The following FAM107B variants were observed in gnomAD, a reference collection of about 807,000 sequenced individuals.
The protein encoded by FAM107B is protein FAM107B.
Under a neutral mutation model 31.5 loss-of-function variants are expected in FAM107B, and 21 were observed. The ratio of observed to expected loss-of-function variants is 0.67; its 90% CI spans 0.47 to 0.96. The LOEUF (loss-of-function observed/expected upper bound fraction) is 0.96. Among genes scored for constraint, FAM107B ranks in the 40% least tolerant of loss-of-function variants. The probability of loss-of-function intolerance (pLI) is 0.00; values close to 1 mark genes in which losing one functional copy is unlikely to be tolerated. For synonymous variants in FAM107B, 157 were observed against 141.5 expected, an observed-to-expected ratio of 1.11 and a Z score of -0.78; for missense variants, 452 against 377.1, an observed-to-expected ratio of 1.20 and a Z score of -1.64.
chr10:14,753,186 C>T (rs1214676866), intron 1 of FAM107B, among the ~76,000 whole-genome samples: 1 of 152,332 alleles, frequency 6.6e-6, no homozygotes, highest in East Asian at 1.9e-4. Flanking sequence ...CACAGAAACA[C>T]AGGCAGAGCA....
At chr10:14,522,168 T>C (rs1845720425) in intron 3 of FAM107B, 149 bp from the exon 4 acceptor site, 3 of 967,110 alleles carry the variant, frequency 3.1e-6, no homozygotes, top group African/African-American at 3.3e-5. Flanking sequence ...AACATGGTGA[T>C]CTAAGAAATT....
chr10:14,607,128 C>T (rs1227762400), intron 2 of FAM107B, among the ~76,000 whole-genome samples: 4 of 152,100 alleles, frequency 2.6e-5, no homozygotes, highest in Non-Finnish European at 5.9e-5. Context: ...TTCCCTGCCC[C>T]GTGAGAGAAA....
At chr10:14,526,210 A>G (rs1434107084) in intron 3 of FAM107B, among the ~76,000 whole-genome samples, 1 of 152,066 alleles carries the variant, frequency 6.6e-6, no homozygotes, top group Non-Finnish European at 1.5e-5. Flanking sequence ...GTCTCGCTCT[A>G]TTGCCCATGC....
intron 1 of FAM107B, among the ~76,000 whole-genome samples, chr10:14,725,504 A>C (rs1262609189): frequency 6.6e-6 from 1 of 152,180 alleles, no homozygotes; most frequent in African/African-American, 2.4e-5. Flanking sequence ...GGGAAGTCCA[A>C]GATTAAGGCT....
At chr10:14,610,071 C>T (rs191244735) in intron 2 of FAM107B, among the ~76,000 whole-genome samples, 14 of 152,302 alleles carry the variant, frequency 9.2e-5, no homozygotes, top group East Asian at 7.7e-4. Context: ...AGGCCGGGCA[C>T]GGTGGCTCAC....
At chr10:14,531,883 G>A (rs1371170915) in intron 2 of FAM107B, among the ~76,000 whole-genome samples, 1 of 152,166 alleles carries the variant, frequency 6.6e-6, no homozygotes, top group South Asian at 2.1e-4. Context: ...TATATATTGC[G>A]CCTCACATAA....
intron 1 of FAM107B, among the ~76,000 whole-genome samples, chr10:14,697,443 G>A (rs539745065): frequency 5.8e-4 from 88 of 152,322 alleles, no homozygotes; most frequent in South Asian, 5.4e-3. Context: ...AAAGTTTGCC[G>A]TGCTAGCCCA....
intron 2 of FAM107B, among the ~76,000 whole-genome samples, chr10:14,659,720 G>T (rs1353613842): frequency 6.6e-6 from 1 of 152,154 alleles, no homozygotes; most frequent in East Asian, 1.9e-4. Context: ...AGTAAAAGCA[G>T]ACACTTTGTC....
At chr10:14,678,324 G>A (rs976907053) in intron 1 of FAM107B, among the ~76,000 whole-genome samples, 1 of 152,122 alleles carries the variant, frequency 6.6e-6, no homozygotes, top group Non-Finnish European at 1.5e-5. Context: ...GGGATGGTGG[G>A]TATGTGTTTT....
intron 2 of FAM107B, among the ~76,000 whole-genome samples, chr10:14,572,956 A>G (rs375867139): frequency 6.6e-6 from 1 of 151,792 alleles, no homozygotes; most frequent in African/African-American, 2.4e-5. Flanking sequence ...TGTTATTACT[A>G]TATTATTAGG....
intron 2 of FAM107B, among the ~76,000 whole-genome samples, chr10:14,547,997 T>C (rs542182312): frequency 1.3e-5 from 2 of 152,320 alleles, no homozygotes; most frequent in East Asian, 3.9e-4. Context: ...GTTTTCCCAC[T>C]TCCCTCTCTT....
intron 1 of FAM107B, among the ~76,000 whole-genome samples, chr10:14,739,207 G>C (rs1271503057): frequency 6.6e-6 from 1 of 152,224 alleles, no homozygotes; most frequent in Non-Finnish European, 1.5e-5. Context: ...GGGTGGCCCA[G>C]ATTCAAAAGG....
At chr10:14,683,608 T>G (rs980769453) in intron 1 of FAM107B, among the ~76,000 whole-genome samples, 2 of 152,076 alleles carry the variant, frequency 1.3e-5, no homozygotes, top group African/African-American at 2.4e-5. Context: ...GATAGAGGGG[T>G]AAGCCTGGTT....
chr10:14,620,872 G>A (rs1337597531), intron 2 of FAM107B, among the ~76,000 whole-genome samples: 1 of 152,134 alleles, frequency 6.6e-6, no homozygotes, highest in South Asian at 2.1e-4. Context: ...CCTTATCAAT[G>A]TTTTGTACTT....
At chr10:14,657,594 A>C (rs1487917818) in intron 2 of FAM107B, among the ~76,000 whole-genome samples, 1 of 152,148 alleles carries the variant, frequency 6.6e-6, no homozygotes, top group Non-Finnish European at 1.5e-5. Context: ...ATAAATCTAG[A>C]ACCTAGATGG....
chr10:14,724,642 G>C (rs1375015387), intron 1 of FAM107B, among the ~76,000 whole-genome samples: 1 of 151,882 alleles, frequency 6.6e-6, no homozygotes, highest in Admixed American at 6.6e-5. Flanking sequence ...TTCAGGAGGA[G>C]AGCGTTCCCT....
At chr10:14,666,581 AT>A in intron 2 of FAM107B, among the ~76,000 whole-genome samples, 1 of 152,302 alleles carries the variant, frequency 6.6e-6, no homozygotes, top group Non-Finnish European at 1.5e-5. Context: ...TGAAAAAAAA[AT>A]GTGTAATGGG....
chr10:14,742,350 T>C lies in FAM107B; in HGVS notation c.411+31903A>G, dbSNP rs548109539. ...CCAGGCTGGTGTCGAACTTCTGGTC[T>C]CAATCAGTCCTCCCACCTCTGCCTC... On this transcript the variant is annotated intron_variant, in intron 1 of 4. Coordinates refer to ENST00000181796, the MANE Select transcript of FAM107B (RefSeq NM_031453.4). Among the ~76,000 whole-genome samples, 7 of 150,698 alleles carry C rather than the reference T, an allele frequency of 4.6e-5. No individual in the cohort carries two copies. In the South Asian group the frequency reaches 1.5e-3, roughly 32 times the overall value.
intron 2 of FAM107B, among the ~76,000 whole-genome samples, chr10:14,620,384 T>G (rs1007722179): frequency 9.9e-5 from 15 of 152,212 alleles, no homozygotes; most frequent in African/African-American, 2.9e-4. Context: ...CCACCCTTTC[T>G]TATTTGTATT....
Sources: allele counts gnomAD v4.1 joint callset (sites outside exome capture counted in the v4.1 genomes callset), GRCh38; gene constraint gnomAD v4.1.1; transcripts MANE v1.5; gene names NCBI Gene and HGNC (gene_info 2026-07-23, HGNC 2026-07-21).